PTPRD: variants seen among roughly 807,000 people sequenced by gnomAD.
The protein encoded by PTPRD is receptor-type tyrosine-protein phosphatase delta.
In PTPRD, 34 loss-of-function variants were observed where a neutral mutation model predicts 214.5. That is an observed-to-expected ratio of 0.16 (90% CI 0.12 to 0.21). The LOEUF is 0.21. Among genes scored for constraint, PTPRD ranks in the 10% least tolerant of loss-of-function variants. PTPRD has a pLI of 1.00. For missense variants in PTPRD, 2,545 were observed against 2,398.7 expected (o/e 1.06, Z -1.27); for synonymous variants, 1,128 against 845.7 (o/e 1.33, Z -5.79).
intron 2 of PTPRD, among the ~76,000 whole-genome samples, chr9:10,410,746 T>A (rs953417400): frequency 6.6e-6 from 1 of 151,790 alleles, no homozygotes; most frequent in Admixed American, 6.6e-5. Flanking sequence ...ACAAGTGTGA[T>A]CAATAGATAT....
chr9:9,931,315 A>C (rs111694211), intron 5 of PTPRD, among the ~76,000 whole-genome samples: 4 of 152,334 alleles, frequency 2.6e-5, no homozygotes, highest in African/African-American at 4.8e-5. Context: ...TCTGAGGTAC[A>C]GGGTTCATCT....
At chr9:8,652,308 A>G (rs2096828856) in intron 12 of PTPRD, among the ~76,000 whole-genome samples, 1 of 152,212 alleles carries the variant, frequency 6.6e-6, no homozygotes, top group Non-Finnish European at 1.5e-5. Context: ...TGCAGGCAAC[A>G]TCATAGCAAT....
rs183355674 is a variant in PTPRD, at chr9:9,760,108, G to A, written c.-326+6702C>T. The stretch of plus-strand genomic sequence containing the variant: ...CTCATAGTGTCTTGAGAAGGATCTC[G>A]TTACAAAGTGGATATCGCTACCCTA... On this transcript the variant is annotated intron_variant, in intron 6 of 45. Coordinates refer to ENST00000381196, the MANE Select transcript of PTPRD (RefSeq NM_002839.4). Among the ~76,000 whole-genome samples, 387 of 152,120 alleles carry A rather than the reference G, an allele frequency of 2.5e-3. 4 individuals are homozygous for A. Among genetic ancestry groups the A allele is most frequent in the Non-Finnish European group, 3.1e-3 (212 of 67,986 alleles).
intron 45 of PTPRD, among the ~76,000 whole-genome samples, 156 bp from the exon 46 acceptor site, chr9:8,318,098 T>C (rs1325088824): frequency 6.6e-6 from 1 of 152,060 alleles, no homozygotes; most frequent in Non-Finnish European, 1.5e-5. Context: ...CAATTGTTTA[T>C]AGTGAACAAA....
At chr9:8,653,033 C>T (rs1173347805) in intron 12 of PTPRD, among the ~76,000 whole-genome samples, 2 of 152,136 alleles carry the variant, frequency 1.3e-5, no homozygotes, top group Non-Finnish European at 2.9e-5. Context: ...AGGAAAGGTG[C>T]TTTAAAGCTC....
At chr9:9,138,009 T>C (rs955471504) in intron 10 of PTPRD, among the ~76,000 whole-genome samples, 1 of 152,172 alleles carries the variant, frequency 6.6e-6, no homozygotes, top group African/African-American at 2.4e-5. Context: ...AGTTACTTGT[T>C]GAAAATGATA....
At chr9:10,489,795 T>C (rs2099155419) in intron 2 of PTPRD, among the ~76,000 whole-genome samples, 1 of 152,094 alleles carries the variant, frequency 6.6e-6, no homozygotes, top group Non-Finnish European at 1.5e-5. Context: ...AGCACTGAGT[T>C]CAATGCCTTA....
rs558588912 is a variant in PTPRD at position 10,385,900 on chromosome 9, T to C, written c.-599-44883A>G. ...TTTTTATGATTATAAGAGATAATTA[T>C]ATTTTTTACACATGAAATAATACTA... is the stretch of plus-strand genomic sequence containing the variant. On this transcript the variant is annotated intron_variant, in intron 2 of 45. Transcript: ENST00000381196. Among the ~76,000 whole-genome samples, 25 of 152,012 alleles carry C rather than the reference T, an allele frequency of 1.6e-4. No homozygotes were observed. In the South Asian group the frequency reaches 2.7e-3, roughly 16 times the overall value.
chr9:8,402,140 A>T (rs546145917), intron 36 of PTPRD, among the ~76,000 whole-genome samples: 1 of 152,268 alleles, frequency 6.6e-6, no homozygotes, highest in Non-Finnish European at 1.5e-5. Flanking sequence ...TGTAATTTAG[A>T]TGAAAGCTCT....
intron 10 of PTPRD, among the ~76,000 whole-genome samples, chr9:9,046,436 T>C (rs1390694094): frequency 6.6e-6 from 1 of 152,156 alleles, no homozygotes; most frequent in African/African-American, 2.4e-5. Context: ...ACTGAATAAG[T>C]TCTGTTTCCA....
chr9:9,899,986 C>T (rs973638637), intron 5 of PTPRD, among the ~76,000 whole-genome samples: 1 of 151,840 alleles, frequency 6.6e-6, no homozygotes, highest in African/African-American at 2.4e-5. Context: ...GTAATAGAAG[C>T]AGAAAGTAGA....
chr9:8,612,163 T>A (rs1389349283), intron 14 of PTPRD, among the ~76,000 whole-genome samples: 1 of 152,210 alleles, frequency 6.6e-6, no homozygotes, highest in Non-Finnish European at 1.5e-5. Flanking sequence ...AGGAATAGCA[T>A]TCATTATAAC....
intron 11 of PTPRD, among the ~76,000 whole-genome samples, chr9:8,797,508 C>G (rs1320936909): frequency 6.6e-6 from 1 of 152,274 alleles, no homozygotes; most frequent in South Asian, 2.1e-4. Context: ...TCTTTCTGCA[C>G]CATCACACAC....
At chr9:8,893,619 T>C (rs1479934537) in intron 11 of PTPRD, among the ~76,000 whole-genome samples, 1 of 152,214 alleles carries the variant, frequency 6.6e-6, no homozygotes, top group East Asian at 1.9e-4. Flanking sequence ...TTGAGAGCAC[T>C]TTGGCACAAT....
At chr9:8,977,111 C>T (rs562980808) in intron 11 of PTPRD, among the ~76,000 whole-genome samples, 6 of 152,192 alleles carry the variant, frequency 3.9e-5, no homozygotes, top group South Asian at 2.1e-4. Flanking sequence ...CAAGTCCTGT[C>T]GATTCTGTGC....
intron 14 of PTPRD, among the ~76,000 whole-genome samples, chr9:8,585,855 G>C (rs1232276271): frequency 6.6e-6 from 1 of 152,126 alleles, no homozygotes; most frequent in African/African-American, 2.4e-5. Context: ...TCTTATGTTA[G>C]AGATCAAAAC....
chr9:9,574,967 C>G (rs934319183), intron 7 of PTPRD, among the ~76,000 whole-genome samples, 186 bp from the exon 8 acceptor site: 5 of 152,224 alleles, frequency 3.3e-5, no homozygotes, highest in Admixed American at 3.3e-4. Flanking sequence ...ACTCATCTTA[C>G]ATCAAAGTAT....
chr9:9,345,566 T>C (rs1028990911), intron 9 of PTPRD, among the ~76,000 whole-genome samples: 10 of 152,192 alleles, frequency 6.6e-5, no homozygotes, highest in Non-Finnish European at 1.5e-5. Flanking sequence ...TCTTAGAATC[T>C]ATGACTCTGT....
chr9:9,255,941 G>C (rs996436324), intron 9 of PTPRD, among the ~76,000 whole-genome samples: 3 of 152,036 alleles, frequency 2.0e-5, no homozygotes, highest in Non-Finnish European at 4.4e-5. Flanking sequence ...TTTCAAGGAG[G>C]ATATGCTTGG....
Sources: gnomAD v4.1 joint callset for allele counts (sites outside exome capture counted in the v4.1 genomes callset) on GRCh38, gnomAD v4.1.1 for gene constraint, MANE v1.5 for transcripts, NCBI Gene and HGNC (gene_info 2026-07-23, HGNC 2026-07-21) for gene names.